The following RGS9 variants were observed in gnomAD, a reference collection of about 807,000 sequenced individuals.
RGS9 encodes the protein regulator of G protein signaling 9.
Under a neutral mutation model 102.0 loss-of-function variants are expected in RGS9, and 78 were observed. The ratio of observed to expected loss-of-function variants is 0.76; its 90% CI spans 0.64 to 0.92. RGS9 has a LOEUF of 0.92. Ranked by LOEUF, RGS9 falls within the 40% of genes least tolerant of loss-of-function variation. RGS9 has a pLI of 0.00. For missense variants in RGS9, 833 were observed against 866.1 expected, an observed-to-expected ratio of 0.96 and a Z score of 0.48; for synonymous variants, 353 against 318.6, an observed-to-expected ratio of 1.11 and a Z score of -1.15.
chr17:65,200,004 G>C (rs1366994772), intron 13 of RGS9, among the ~76,000 whole-genome samples: 1 of 151,982 alleles, frequency 6.6e-6, no homozygotes, highest in African/African-American at 2.4e-5. Context: ...TTTTTGGTGG[G>C]AAAACGTATG....
At chr17:65,166,886 C>A (rs978338633) in intron 7 of RGS9, among the ~76,000 whole-genome samples, 1 of 152,188 alleles carries the variant, frequency 6.6e-6, no homozygotes, top group Non-Finnish European at 1.5e-5. Flanking sequence ...GCTGACGGAA[C>A]GCCCAAATGG....
chr17:65,212,932 T>G (rs1408022417), intron 17 of RGS9, among the ~76,000 whole-genome samples: 2 of 152,186 alleles, frequency 1.3e-5, no homozygotes, highest in African/African-American at 4.8e-5. Context: ...CCCAGGGGGT[T>G]CTGCACCAAC....
chr17:65,169,649 C>A (rs1257265472), intron 8 of RGS9, among the ~76,000 whole-genome samples: 1 of 152,200 alleles, frequency 6.6e-6, no homozygotes, highest in African/African-American at 2.4e-5. Flanking sequence ...TGACTACATT[C>A]CTTGCAAAGT....
At position 65,178,090 on chromosome 17, in the gene RGS9, C is replaced by T. The variant is rs80154030; in HGVS notation, c.654+287C>T. Among the ~76,000 whole-genome samples the T allele has an allele frequency of 1.2e-3, 180 of 152,212 alleles. 1 individual carries two copies. In the East Asian group the frequency reaches 0.031, roughly 26 times the overall value. On this transcript the variant is annotated intron_variant, in intron 9 of 18. Coordinates refer to ENST00000262406, the MANE Select transcript of RGS9 (RefSeq NM_003835.4). The stretch of plus-strand genomic sequence containing the variant: ...TTTTCAAACTTTTCTGAGTCACTTC[C>T]CCCTTCGAAAATCTGATGAAAGTTA...
intron 3 of RGS9, chr17:65,158,592 AGTCCT>A: frequency 1.7e-6 from 1 of 580,626 alleles, no homozygotes; most frequent in Non-Finnish European, 3.1e-6. Context: ...CAGTCAAGAA[AGTCCT>A]GGAGGGGGTG....
Position 65,137,385 on chromosome 17 carries a change from G to A in RGS9, c.-156G>A. The A allele has an allele frequency of 1.4e-6, 1 of 708,916 alleles. No individual in the cohort carries two copies. The highest frequency in any genetic ancestry group is 1.5e-5 in the South Asian group (1 of 67,162). 43.9% of individuals were successfully genotyped at this position (708,916 alleles called of 1,614,324 possible). ...CTGCTTTCCAAGTCAGCGGCGCCTA[G>A]TGAGAGTCAGGGGGGCCCGGCCCGC... is the stretch of plus-strand genomic sequence containing the variant. On this transcript the variant is annotated 5_prime_UTR_variant, in exon 1 of 19. In the 5' UTR this introduces an upstream ATG that the reference lacks. Coordinates refer to ENST00000262406, the MANE Select transcript of RGS9 (RefSeq NM_003835.4).
intron 17 of RGS9, among the ~76,000 whole-genome samples, chr17:65,210,824 C>A (rs995630058): frequency 5.9e-5 from 9 of 152,108 alleles, no homozygotes; most frequent in Admixed American, 2.0e-4. Context: ...CCACAGCAAC[C>A]AGAGCTTGTT....
rs1905578200 is a variant in RGS9 at position 65,225,101 on chromosome 17, C to T, written c.1507C>T (p.Pro503Ser). ...CCCCTTCTCCTCCTCCTGCCGCTCCCCCAGGAAGCCTTTCGCCTCACCCAG... is the reference window on the plus strand; with the variant it reads ...CCCCTTCTCCTCCTCCTGCCGCTCCTCCAGGAAGCCTTTCGCCTCACCCAG... ...SSPFSSSCRS[P>S]RKPFASPSRF... is the part of the protein sequence containing the mutation. Residue 503 changes from proline to serine, a missense_variant, in exon 18 of 19, where the codon CCC becomes TCC. Physicochemically the swap from Pro to Ser is moderately conservative, Grantham distance 74 (BLOSUM62 -1). This residue lies in a region of RGS9 where 320 missense variants were observed against 276.8 expected (regional missense o/e 1.16). Transcript: ENST00000262406. The T allele has an allele frequency of 6.2e-7, 1 of 1,613,974 alleles. No individual in the cohort carries two copies. The highest frequency in any genetic ancestry group is 8.5e-7 in the Non-Finnish European group (1 of 1,180,024).
chr17:65,151,427 G>GA (rs1390752965), intron 1 of RGS9, among the ~76,000 whole-genome samples: 3 of 150,726 alleles, frequency 2.0e-5, no homozygotes, highest in Admixed American at 6.6e-5. Context: ...TAATAAAAAT[G>GA]AAAAAAACAA....
chr17:65,160,168 G>A, intron 3 of RGS9, 65 bp from the exon 4 acceptor site: 1 of 1,266,610 alleles, frequency 7.9e-7, no homozygotes, highest in Middle Eastern at 2.0e-4. Flanking sequence ...GGTGCCGTGG[G>A]GGCCGGCAAT....
intron 9 of RGS9, among the ~76,000 whole-genome samples, chr17:65,183,111 C>CTATCCATCCATCTAT (rs1360431205): frequency 1.3e-5 from 1 of 78,298 alleles, no homozygotes; most frequent in African/African-American, 1.4e-4. Flanking sequence ...TATCTATCTA[C>CTATCCATCCATCTAT]CTACCTACCT....
chr17:65,139,108 C>CCCCCCCCCCCCCA (rs1910045367), intron 1 of RGS9, among the ~76,000 whole-genome samples: 1 of 40,872 alleles, frequency 2.4e-5, no homozygotes, highest in Non-Finnish European at 5.6e-5. Flanking sequence ...GCTCTCCCCC[C>CCCCCCCCCCCCCA]TCCACCCCAC....
chr17:65,174,450 TGCATGTGTGTGA>T (rs1381793814), intron 8 of RGS9, among the ~76,000 whole-genome samples: 1 of 151,616 alleles, frequency 6.6e-6, no homozygotes, highest in African/African-American at 2.4e-5. Flanking sequence ...TGTACATGTG[TGCATGTGTGTGA>T]GCATGTATGT....
intron 11 of RGS9, among the ~76,000 whole-genome samples, 197 bp from the exon 12 acceptor site, chr17:65,193,346 T>C (rs1347851463): frequency 6.6e-6 from 1 of 151,956 alleles, no homozygotes; most frequent in East Asian, 1.9e-4. Flanking sequence ...ATTTCACAAG[T>C]AGAATTGGGA....
Position 65,178,456 on chromosome 17 carries a change from G to T in RGS9, c.654+653G>T, listed in dbSNP as rs559215747. Among the ~76,000 whole-genome samples the T allele has an allele frequency of 3.3e-5, 5 of 151,062 alleles. No individual in the cohort carries two copies. In the South Asian group the frequency reaches 1.0e-3, roughly 32 times the overall value. On this transcript the variant is annotated intron_variant, in intron 9 of 18. Transcript: ENST00000262406. ...GAGCCCATGGCCCTATTGACATTTT[G>T]GGCCAGATAATTCTTTTTTTTTCCT...
At chr17:65,214,828 T>C (rs1913426184) in intron 17 of RGS9, among the ~76,000 whole-genome samples, 1 of 152,198 alleles carries the variant, frequency 6.6e-6, no homozygotes, top group Non-Finnish European at 1.5e-5. Context: ...AGATGTATCA[T>C]GGAAGGCTGG....
At chr17:65,189,163 C>A (rs1423374682) in intron 9 of RGS9, 123 bp from the exon 10 acceptor site, 6 of 779,510 alleles carry the variant, frequency 7.7e-6, no homozygotes, top group Non-Finnish European at 1.1e-5. Flanking sequence ...GAAATCCTAT[C>A]TTTTAAGAAA....
At chr17:65,216,493 C>T (rs970645474) in intron 17 of RGS9, among the ~76,000 whole-genome samples, 3 of 151,562 alleles carry the variant, frequency 2.0e-5, no homozygotes, top group Non-Finnish European at 3.0e-5. Flanking sequence ...AAAAATTAGC[C>T]GGGCGTGGTG....
intron 11 of RGS9, among the ~76,000 whole-genome samples, chr17:65,193,275 A>G (rs1310684972): frequency 1.3e-5 from 2 of 151,984 alleles, no homozygotes; most frequent in African/African-American, 4.8e-5. Context: ...AAAAAAGAAA[A>G]AAAAGAAAAA....
Sources: gnomAD v4.1 joint callset for allele counts (sites outside exome capture counted in the v4.1 genomes callset) on GRCh38, gnomAD v4.1.1 for gene constraint, gnomAD v4.1.1 regional missense constraint, MANE v1.5 for transcripts, NCBI Gene and HGNC (gene_info 2026-07-23, HGNC 2026-07-21) for gene names.